The following RANBP10 variants were observed in gnomAD, a reference collection of about 807,000 sequenced individuals.
The protein encoded by RANBP10 is RAN binding protein 10, also known as ran-binding protein 10.
RANBP10 carries 24 observed loss-of-function variants against 72.8 expected under a neutral mutation model. The observed-to-expected ratio is 0.33, with a 90% confidence interval of 0.24 to 0.46. The LOEUF is 0.46. RANBP10 is among the 20% of genes least tolerant of loss of function. The pLI, the probability that RANBP10 is intolerant of heterozygous loss-of-function variation, is 1.00. For synonymous variants in RANBP10, 310 were observed against 322.3 expected, an observed-to-expected ratio of 0.96 and a Z score of 0.41; for missense variants, 679 against 817.5, an observed-to-expected ratio of 0.83 and a Z score of 2.07.
chr16:67,770,835 G>A (rs536660222), intron 3 of RANBP10, among the ~76,000 whole-genome samples: 1 of 152,310 alleles, frequency 6.6e-6, no homozygotes, highest in East Asian at 1.9e-4. Flanking sequence ...CCACTTGAGG[G>A]GCTGAGGTGG....
At chr16:67,787,707 G>A (rs1038287974) in intron 2 of RANBP10, among the ~76,000 whole-genome samples, 12 of 152,220 alleles carry the variant, frequency 7.9e-5, no homozygotes, top group Admixed American at 6.5e-4. Flanking sequence ...CCATAAAAAG[G>A]AATGAAGTTC....
At chr16:67,765,922 A>G (rs2054494350) in intron 3 of RANBP10, among the ~76,000 whole-genome samples, 1 of 152,184 alleles carries the variant, frequency 6.6e-6, no homozygotes, top group Non-Finnish European at 1.5e-5. Context: ...CTGAGGTGGA[A>G]GGAGCACTCG....
rs555110798 is a variant in RANBP10 at position 67,762,225 on chromosome 16, T to A, written c.400+9809A>T. On this transcript the variant is annotated intron_variant, in intron 3 of 13. Transcript: ENST00000317506. The stretch of plus-strand genomic sequence containing the variant: ...GGTTACAAGGGAGCTATGATCATGC[T>A]ACTGTACTCCAGCCTGGGCAACAGA... Among the ~76,000 whole-genome samples the A allele has an allele frequency of 7.9e-5, 12 of 152,262 alleles. No individual in the cohort carries two copies. The South Asian group carries it at 2.3e-3, about 29-fold the overall frequency.
intron 2 of RANBP10, among the ~76,000 whole-genome samples, chr16:67,799,622 T>C (rs904019482): frequency 6.6e-6 from 1 of 152,230 alleles, no homozygotes; most frequent in Non-Finnish European, 1.5e-5. Context: ...TTCTTCTGCC[T>C]GAAGCATCTG....
chr16:67,739,167 T>C (rs565265959), intron 4 of RANBP10: 1 of 152,262 alleles, frequency 6.6e-6, no homozygotes, highest in African/African-American at 2.4e-5. Flanking sequence ...GGTTTCACCA[T>C]GTTGGCCAGG....
intron 2 of RANBP10, among the ~76,000 whole-genome samples, chr16:67,790,180 T>C (rs2054997922): frequency 6.6e-6 from 1 of 151,368 alleles, no homozygotes; most frequent in Non-Finnish European, 1.5e-5. Context: ...TAATGCTATG[T>C]GAAATGGGTC....
chr16:67,787,930 C>T (rs568583097), intron 2 of RANBP10, among the ~76,000 whole-genome samples: 2 of 152,204 alleles, frequency 1.3e-5, no homozygotes, highest in African/African-American at 4.8e-5. Context: ...CCTCCACCTC[C>T]TGGGCTCAAG....
At position 67,729,872 on chromosome 16, in the gene RANBP10, T is replaced by C. The variant is rs966684001; in HGVS notation, c.999-44A>G. ...AATAATGCTCTGGTTGTGGTCCAGGTTGACGTTCCCACCACCAGCTGAGAG... is the reference window on the plus strand; with the variant it reads ...AATAATGCTCTGGTTGTGGTCCAGGCTGACGTTCCCACCACCAGCTGAGAG... On this transcript the variant is annotated intron_variant, in intron 8 of 13. Coordinates refer to ENST00000317506, the MANE Select transcript of RANBP10 (RefSeq NM_020850.3). This position sits in a 1 kb window ranked among gnomAD's most constrained non-coding sequence, Gnocchi z 7.1. The C allele has an allele frequency of 1.1e-5, 18 of 1,613,334 alleles. No homozygotes were observed. The highest frequency in any genetic ancestry group is 3.3e-5 in the South Asian group (3 of 91,084).
intron 3 of RANBP10, among the ~76,000 whole-genome samples, chr16:67,770,841 G>A (rs1005972335): frequency 6.6e-6 from 1 of 152,212 alleles, no homozygotes; most frequent in Admixed American, 6.5e-5. Flanking sequence ...GAGGGGCTGA[G>A]GTGGGAGGAG....
chr16:67,727,264 A>G, intron 13 of RANBP10, 63 bp downstream of exon 13: 14 of 1,459,308 alleles, frequency 9.6e-6, no homozygotes, highest in Non-Finnish European at 3.7e-6. Context: ...GTGCCACTGC[A>G]CTCCAGCTTG....
At chr16:67,764,464 T>C (rs2054459279) in intron 3 of RANBP10, among the ~76,000 whole-genome samples, 2 of 151,710 alleles carry the variant, frequency 1.3e-5, no homozygotes, top group Non-Finnish European at 1.5e-5. Flanking sequence ...GAGAAAAAAA[T>C]AGTAATAAAA....
At chr16:67,739,920 T>A (rs1409530998) in intron 4 of RANBP10, 2 of 152,092 alleles carry the variant, frequency 1.3e-5, no homozygotes, top group Non-Finnish European at 2.9e-5. Flanking sequence ...CCCATGTTCT[T>A]CAAACTGAGA....
At chr16:67,767,500 G>A (rs545527372) in intron 3 of RANBP10, among the ~76,000 whole-genome samples, 6 of 145,188 alleles carry the variant, frequency 4.1e-5, no homozygotes, top group Admixed American at 2.8e-4. Flanking sequence ...TGTAACTCGC[G>A]CCTATAATCC....
At chr16:67,731,639 T>A in intron 6 of RANBP10, 55 bp from the exon 7 acceptor site, 1 of 1,354,286 alleles carries the variant, frequency 7.4e-7, no homozygotes, top group Non-Finnish European at 1.0e-6. Flanking sequence ...TCTCACTGAC[T>A]ACCCAATGGA....
rs891263806 is a variant in RANBP10 at position 67,729,370 on chromosome 16, G to T, written c.1262C>A (p.Ser421Tyr). ...SSSSSSSSSS[S>Y]SPSSVNYSES... ...GGAGTAATTGACGGAGGATGGGGAA[G>T]AGGACGAGGAGGAGGAGGAGGACGA... The change falls in exon 10 of 14, where the codon TCT (serine) becomes TAT (tyrosine). Residue 421 changes from serine (S) to tyrosine (Y), a missense_variant. Coordinates refer to ENST00000317506, the MANE Select transcript of RANBP10 (RefSeq NM_020850.3). The surrounding 1 kb of genome is among the most constrained non-coding windows in gnomAD (Gnocchi z 7.1). The T allele has an allele frequency of 6.2e-7, 1 of 1,613,160 alleles. No homozygotes were observed. Among genetic ancestry groups the T allele is most frequent in the Non-Finnish European group, 8.5e-7 (1 of 1,179,504 alleles).
chr16:67,737,718 A>G (rs578153716), intron 5 of RANBP10, among the ~76,000 whole-genome samples: 3 of 152,086 alleles, frequency 2.0e-5, no homozygotes, highest in Admixed American at 6.5e-5. Context: ...AGACCAGTTG[A>G]GCCATGGAGC....
chr16:67,725,378 C>G lies in RANBP10; in HGVS notation c.*1050G>C, dbSNP rs1016615496. On this transcript the variant is annotated 3_prime_UTR_variant, in exon 14 of 14. Coordinates refer to ENST00000317506, the MANE Select transcript of RANBP10 (RefSeq NM_020850.3). ...GATCTAGGCAGGAAGAAAGCAGCCC[C>G]TGTACTCAAGGGCCTCTGTCCTGGG... The G allele has an allele frequency of 1.3e-5, 2 of 152,436 alleles. No individual in the cohort carries two copies. Among genetic ancestry groups the G allele is most frequent in the African/African-American group, 4.8e-5 (2 of 41,402 alleles). 9.4% of individuals were successfully genotyped at this position (152,436 alleles called of 1,614,324 possible). A position where few individuals can be genotyped will look rare whatever the true frequency, so the allele number is the denominator to read the frequency against.
chr16:67,745,203 C>T (rs2054047721), intron 3 of RANBP10, among the ~76,000 whole-genome samples: 1 of 152,052 alleles, frequency 6.6e-6, no homozygotes, highest in Admixed American at 6.6e-5. Flanking sequence ...GTCTCGATCT[C>T]CTGACCTCAT....
At chr16:67,746,182 T>A (rs557899665) in intron 3 of RANBP10, among the ~76,000 whole-genome samples, 2 of 147,882 alleles carry the variant, frequency 1.4e-5, no homozygotes, top group South Asian at 2.1e-4. Flanking sequence ...AAAGAAATTT[T>A]AAAAATGAGC....
Sources: gnomAD v4.1 joint callset for allele counts (sites outside exome capture counted in the v4.1 genomes callset) on GRCh38, gnomAD v4.1.1 for gene constraint, Gnocchi (gnomAD v3.1) non-coding constraint, MANE v1.5 for transcripts, NCBI Gene and HGNC (gene_info 2026-07-23, HGNC 2026-07-21) for gene names.